UBXN7: variants seen among roughly 807,000 people sequenced by gnomAD.
The protein encoded by UBXN7 is UBX domain-containing protein 7.
A neutral mutation model predicts 58.0 loss-of-function variants in UBXN7; 9 were observed. The ratio of observed to expected loss-of-function variants is 0.16; its 90% confidence interval spans 0.09 to 0.27. The LOEUF (loss-of-function observed/expected upper bound fraction) is 0.27, where lower values mean the gene tolerates loss of function less well. UBXN7 is among the 10% of genes least tolerant of loss of function. The probability of loss-of-function intolerance (pLI) is 1.00; values close to 1 mark genes in which losing one functional copy is unlikely to be tolerated. For synonymous variants in UBXN7, 208 were observed against 205.0 expected, an observed-to-expected ratio of 1.01 and a Z score of -0.12; for missense variants, 328 against 599.6, an observed-to-expected ratio of 0.55 and a Z score of 4.73.
chr3:196,356,914 A>C (rs887067464), intron 10 of UBXN7, 68 bp from the exon 11 acceptor site: 2 of 1,523,418 alleles, frequency 1.3e-6, no homozygotes, highest in African/African-American at 1.4e-5. Flanking sequence ...AGTGAATTAA[A>C]TAGAAAACAT....
intron 8 of UBXN7, among the ~76,000 whole-genome samples, chr3:196,365,599 T>C (rs1348312006): frequency 6.6e-6 from 1 of 152,006 alleles, no homozygotes; most frequent in Non-Finnish European, 1.5e-5. Context: ...ACTAAGCCTC[T>C]GGCCAGACAG....
chr3:196,369,527 T>C lies in UBXN7; in HGVS notation c.616-16A>G, dbSNP rs762826989. On this transcript the variant is annotated splice_polypyrimidine_tract_variant and intron_variant, in intron 6 of 10. Coordinates refer to ENST00000296328, the MANE Select transcript of UBXN7 (RefSeq NM_015562.2). ...CATGATAAACCTGTTAAATCATTGA[T>C]ATAAAAAAAAAAGTCAGCCTCTAAG... 1 of 1,583,908 alleles carries C rather than the reference T, an allele frequency of 6.3e-7. No individual in the cohort carries two copies. The highest frequency in any genetic ancestry group is 8.6e-7 in the Non-Finnish European group (1 of 1,166,830).
chr3:196,403,942 T>C (rs895800849), intron 2 of UBXN7, among the ~76,000 whole-genome samples: 1 of 152,134 alleles, frequency 6.6e-6, no homozygotes, highest in African/African-American at 2.4e-5. Context: ...AAATGGTGTG[T>C]GCCTTTAAAG....
intron 2 of UBXN7, among the ~76,000 whole-genome samples, 167 bp downstream of exon 2, chr3:196,407,079 T>A (rs187220724): frequency 3.0e-4 from 46 of 152,358 alleles, no homozygotes; most frequent in African/African-American, 1.0e-3. Context: ...GACAGTACTC[T>A]AAAGAATTTA....
chr3:196,366,221 C>CTTT (rs1185160927), intron 8 of UBXN7, among the ~76,000 whole-genome samples: 3 of 152,150 alleles, frequency 2.0e-5, no homozygotes, highest in African/African-American at 7.2e-5. Flanking sequence ...TCTTCTAAAA[C>CTTT]TATTTTTAGG....
intron 1 of UBXN7, among the ~76,000 whole-genome samples, chr3:196,414,138 CCAT>C (rs1317153808): frequency 3.3e-5 from 5 of 152,152 alleles, no homozygotes; most frequent in Admixed American, 3.3e-4. Context: ...GTTGCCACCA[CCAT>C]ACCTGGCTAA....
intron 1 of UBXN7, chr3:196,416,258 G>C (rs1730482396): frequency 6.6e-6 from 1 of 152,090 alleles, no homozygotes. Context: ...TGGCCAACAT[G>C]GTGGAACTCC....
intron 4 of UBXN7, 68 bp from the exon 5 acceptor site, chr3:196,391,993 A>AAAAACAC: frequency 1.2e-6 from 1 of 804,272 alleles, no homozygotes; most frequent in Non-Finnish European, 1.9e-6. Context: ...AAAAAAAAAA[A>AAAAACAC]AAAACACAAA....
intron 5 of UBXN7, among the ~76,000 whole-genome samples, chr3:196,374,996 G>A (rs796623486): frequency 4.2e-4 from 14 of 32,990 alleles, no homozygotes; most frequent in Non-Finnish European, 7.9e-4. Flanking sequence ...GGGAGGGAGG[G>A]AGGGAGGGAG....
At chr3:196,380,872 T>C (rs1441178410) in intron 5 of UBXN7, among the ~76,000 whole-genome samples, 5 of 152,246 alleles carry the variant, frequency 3.3e-5, no homozygotes, top group African/African-American at 9.6e-5. Flanking sequence ...GGAGCCTTGC[T>C]CACTGCCAGC....
Position 196,391,796 on chromosome 3 carries a change from ACT to A in UBXN7, c.468+15_468+16del. The A allele has an allele frequency of 6.4e-7, 1 of 1,570,926 alleles. No individual in the cohort carries two copies. The highest frequency in any genetic ancestry group is 2.2e-5 in the East Asian group (1 of 44,638). On this transcript the variant is annotated intron_variant, in intron 5 of 10. Transcript: ENST00000296328. The stretch of plus-strand genomic sequence containing the variant: ...AAAAGGATTCATAGTTAAGGCACTG[ACT>A]CTCCAACAACTTACTGTTTCAAAGC...
intron 5 of UBXN7, among the ~76,000 whole-genome samples, chr3:196,383,033 A>G (rs1206871443): frequency 6.6e-6 from 1 of 151,674 alleles, no homozygotes; most frequent in African/African-American, 2.4e-5. Context: ...GGAGAATGGC[A>G]TGAACCCAGG....
chr3:196,375,085 A>G (rs1401074386), intron 5 of UBXN7, among the ~76,000 whole-genome samples: 1 of 150,544 alleles, frequency 6.6e-6, no homozygotes, highest in African/African-American at 2.5e-5. Flanking sequence ...AGAGTCTTGA[A>G]TAAGTCTAGA....
chr3:196,432,097 C>T, intron 1 of UBXN7: 2 of 650,370 alleles, frequency 3.1e-6, no homozygotes, highest in South Asian at 3.5e-5. Flanking sequence ...TGGGGGATCT[C>T]CCTCCACGCT....
intron 1 of UBXN7, among the ~76,000 whole-genome samples, chr3:196,419,368 G>C (rs1255209156): frequency 6.6e-6 from 1 of 152,164 alleles, no homozygotes; most frequent in Non-Finnish European, 1.5e-5. Context: ...TGTCAGGATA[G>C]TGAACTGCAA....
intron 8 of UBXN7, among the ~76,000 whole-genome samples, chr3:196,363,606 A>C (rs1728572571): frequency 6.6e-6 from 1 of 152,158 alleles, no homozygotes; most frequent in South Asian, 2.1e-4. Context: ...CTTGAAGGAA[A>C]TTAAAAGTGC....
chr3:196,411,501 A>C lies in UBXN7; in HGVS notation c.74-4108T>G, dbSNP rs147804754. ...TTAAGATAAATTTAAAGAGAAGTGA[A>C]AATAACAGGCTTCAAAAAACTAGCA... On this transcript the variant is annotated intron_variant, in intron 1 of 10. Transcript: ENST00000296328. 5.8e-3 allele frequency among the ~76,000 whole-genome samples: 889 copies of C among 152,316 alleles called. 15 individuals carry two copies. The highest frequency in any genetic ancestry group is 0.021 in the African/African-American group (858 of 41,576).
chr3:196,405,296 C>A (rs954486530), intron 2 of UBXN7, among the ~76,000 whole-genome samples: 1 of 151,280 alleles, frequency 6.6e-6, no homozygotes, highest in African/African-American at 2.4e-5. Context: ...GTGGTGCAAC[C>A]CCATGTCTAC....
intron 2 of UBXN7, among the ~76,000 whole-genome samples, chr3:196,406,428 T>A (rs1004701030): frequency 1.3e-5 from 2 of 151,910 alleles, no homozygotes; most frequent in Non-Finnish European, 2.9e-5. Context: ...CAGAAAAAAC[T>A]CTACACAATA....
Sources: allele counts gnomAD v4.1 joint callset (sites outside exome capture counted in the v4.1 genomes callset), GRCh38; gene constraint gnomAD v4.1.1; transcripts MANE v1.5; gene names NCBI Gene and HGNC (gene_info 2026-07-23, HGNC 2026-07-21).